The following GPD2 variants were observed in gnomAD, a reference collection of about 807,000 sequenced individuals.
GPD2 encodes the protein glycerol-3-phosphate dehydrogenase, mitochondrial.
GPD2 carries 54 observed loss-of-function variants against 82.4 expected under a neutral mutation model. The ratio of observed to expected loss-of-function variants is 0.66; its 90% CI spans 0.53 to 0.82. The LOEUF is 0.82. Among genes scored for constraint, GPD2 ranks in the 40% least tolerant of loss-of-function variants. GPD2 has a pLI of 0.00. For synonymous variants in GPD2, 288 were observed against 306.1 expected (o/e 0.94, Z 0.62); for missense variants, 748 against 896.2 (o/e 0.83, Z 2.11).
intron 9 of GPD2, among the ~76,000 whole-genome samples, chr2:156,568,324 ACACT>A (rs1687465480): frequency 6.6e-6 from 1 of 152,132 alleles, no homozygotes; most frequent in Non-Finnish European, 1.5e-5. Context: ...CCTGCTGTAA[ACACT>A]CAGGAAGAGG....
At chr2:156,445,316 T>G (rs576040592) in intron 1 of GPD2, among the ~76,000 whole-genome samples, 268 of 152,326 alleles carry the variant, frequency 1.8e-3, no homozygotes, top group East Asian at 6.7e-3. Context: ...AAAAACTGTT[T>G]TAAAAACAAT....
the GPD2 span, among the ~76,000 whole-genome samples, chr2:156,413,028 T>A: frequency 1.3e-5 from 2 of 150,484 alleles, no homozygotes; most frequent in African/African-American, 4.9e-5. Context: ...GCCCTGGAGG[T>A]TGAGGCTGCA....
At chr2:156,547,391 A>G (rs1044481233) in intron 6 of GPD2, among the ~76,000 whole-genome samples, 1 of 152,216 alleles carries the variant, frequency 6.6e-6, no homozygotes, top group Non-Finnish European at 1.5e-5. Flanking sequence ...CCAGGATGGT[A>G]TCCAGCCAGA....
Position 156,550,675 on chromosome 2 carries a change from G to A in GPD2, c.900G>A (p.Met300Ile). 2 of 1,613,884 alleles carry A rather than the reference G, an allele frequency of 1.2e-6. No homozygotes were observed. Among genetic ancestry groups the A allele is most frequent in the Non-Finnish European group, 1.7e-6 (2 of 1,179,752 alleles). ...CTTTCACGGACTCTGTGCGCAAAAT[G>A]GATGATAAAGACGCAGCAGCTATCT... ...TGPFTDSVRKMDDKDAAAICQ... is the reference protein window; with the variant it reads ...TGPFTDSVRKIDDKDAAAICQ... Residue 300 changes from methionine to isoleucine, a missense_variant, in exon 8 of 17, where the codon ATG becomes ATA. By Grantham distance (10) the Met-to-Ile change is conservative (BLOSUM62 1). Around this residue, in one of 3 missense-constraint regions of GPD2, gnomAD observed 692 missense variants for 809.7 expected, o/e 0.85. Transcript: ENST00000438166.
chr2:156,425,400 G>A, the GPD2 span, among the ~76,000 whole-genome samples: 3 of 152,216 alleles, frequency 2.0e-5, no homozygotes, highest in South Asian at 2.1e-4. Flanking sequence ...TTTTCAAGCC[G>A]TTATTCAATT....
rs114761103 is a variant in GPD2 at position 156,549,675 on chromosome 2, A to G, written c.729A>G (p.Thr243=). 4.3e-5 allele frequency: 69 copies of G among 1,613,766 alleles called. No homozygotes were observed. The East Asian group carries it at 1.5e-3, about 36-fold the overall frequency. Residue 243 remains threonine (T), a synonymous_variant, in exon 7 of 17, where the codon ACA becomes ACG. Coordinates refer to ENST00000438166, the MANE Select transcript of GPD2 (RefSeq NM_000408.5). The part of the protein sequence containing the change: ...ALTAARYGAA[T]ANYMEVVSLL... ...CTGCTGCCAGGTATGGGGCTGCCAC[A>G]GCCAATTACATGGAGGTAGTGAGCT...
At position 156,550,630 on chromosome 2, in the gene GPD2, T is replaced by C. The variant is rs1686720831; in HGVS notation, c.855T>C (p.Cys285=). ...TGQEFDVRAK[C]VINATGPFTD... ...AGGAATTTGACGTGAGAGCCAAATG[T>C]GTTATCAATGCCACGGGACCTTTCA... Residue 285 remains cysteine (C), a synonymous_variant, in exon 8 of 17, where the codon TGT becomes TGC. Coordinates refer to ENST00000438166, the MANE Select transcript of GPD2 (RefSeq NM_000408.5). The C allele has an allele frequency of 6.2e-7, 1 of 1,614,044 alleles. No homozygotes were observed. The highest frequency in any genetic ancestry group is 1.3e-5 in the African/African-American group (1 of 75,052).
intron 13 of GPD2, among the ~76,000 whole-genome samples, chr2:156,576,622 G>A (rs901469367): frequency 2.6e-5 from 4 of 152,200 alleles, no homozygotes; most frequent in African/African-American, 9.6e-5. Flanking sequence ...CCTCCCCAGT[G>A]CTAGAGTTGT....
chr2:156,508,628 A>G (rs1460198750), intron 3 of GPD2, among the ~76,000 whole-genome samples: 1 of 152,198 alleles, frequency 6.6e-6, no homozygotes, highest in Non-Finnish European at 1.5e-5. Flanking sequence ...TCTTGATGCC[A>G]TGACAGTGAT....
At chr2:156,483,830 C>T (rs1683826522) in intron 2 of GPD2, among the ~76,000 whole-genome samples, 1 of 152,132 alleles carries the variant, frequency 6.6e-6, no homozygotes, top group Non-Finnish European at 1.5e-5. Context: ...ATCTTTTGAA[C>T]ACCCTTAACA....
At chr2:156,559,946 ATCTT>A (rs1687108235) in intron 9 of GPD2, among the ~76,000 whole-genome samples, 1 of 152,154 alleles carries the variant, frequency 6.6e-6, no homozygotes, top group Admixed American at 6.5e-5. Context: ...TTGTTAATGA[ATCTT>A]CCTTCATTTG....
At chr2:156,549,562 G>T (rs1228345809) in intron 6 of GPD2, 46 bp from the exon 7 acceptor site, 2 of 1,556,114 alleles carry the variant, frequency 1.3e-6, no homozygotes, top group South Asian at 2.2e-5. Flanking sequence ...CCAGTCTGTG[G>T]CTCGAGGTGA....
intron 7 of GPD2, 142 bp from the exon 8 acceptor site, chr2:156,550,460 A>G (rs953722372): frequency 1.8e-5 from 15 of 830,926 alleles, no homozygotes; most frequent in Non-Finnish European, 3.0e-5. Context: ...TGGCTCTTCA[A>G]TAACTTGAGC....
the GPD2 span, among the ~76,000 whole-genome samples, chr2:156,428,984 G>C: frequency 6.6e-6 from 1 of 152,194 alleles, no homozygotes; most frequent in Admixed American, 6.5e-5. Context: ...CTACATGTTT[G>C]AAGGCTAAGA....
chr2:156,572,005 C>T (rs1317877591), intron 13 of GPD2, among the ~76,000 whole-genome samples: 1 of 152,188 alleles, frequency 6.6e-6, no homozygotes, highest in Non-Finnish European at 1.5e-5. Context: ...TCAATCTCAC[C>T]AGTAACCTCC....
upstream of GPD2, among the ~76,000 whole-genome samples, chr2:156,430,884 C>T (rs1688309140): frequency 2.6e-5 from 4 of 152,194 alleles, no homozygotes; most frequent in South Asian, 6.2e-4. Context: ...CCAGAAGCTG[C>T]GTTTAAGATG....
At chr2:156,570,486 A>C (rs79966139) in intron 12 of GPD2, among the ~76,000 whole-genome samples, 2 of 152,102 alleles carry the variant, frequency 1.3e-5, no homozygotes, top group Non-Finnish European at 2.9e-5. Flanking sequence ...GTTAATTCAC[A>C]GTTGTCCCTT....
chr2:156,507,819 C>T (rs1396461984), intron 3 of GPD2, among the ~76,000 whole-genome samples: 4 of 152,146 alleles, frequency 2.6e-5, no homozygotes, highest in African/African-American at 9.7e-5. Context: ...ATTCTTTGTA[C>T]CTGCACTCCA....
intron 3 of GPD2, among the ~76,000 whole-genome samples, chr2:156,497,153 G>T (rs1309214318): frequency 2.6e-5 from 4 of 152,154 alleles, no homozygotes; most frequent in Non-Finnish European, 5.9e-5. Flanking sequence ...TTCTTTAACA[G>T]ATGTGTATGT....
Sources: allele counts gnomAD v4.1 joint callset (sites outside exome capture counted in the v4.1 genomes callset), GRCh38; gene constraint gnomAD v4.1.1; regional missense constraint gnomAD v4.1.1; transcripts MANE v1.5; gene names NCBI Gene and HGNC (gene_info 2026-07-23, HGNC 2026-07-21).